The following CDH12 variants were observed in gnomAD, a reference collection of about 807,000 sequenced individuals.
CDH12 encodes cadherin-12.
A neutral mutation model predicts 74.1 loss-of-function variants in CDH12; 41 were observed. That is an observed-to-expected ratio of 0.55 (90% CI 0.43 to 0.72). The LOEUF (loss-of-function observed/expected upper bound fraction) is 0.72, where lower values mean the gene tolerates loss of function less well. Among genes scored for constraint, CDH12 ranks in the 30% least tolerant of loss-of-function variants. The pLI is 0.00. For synonymous variants in CDH12, 399 were observed against 355.0 expected (o/e 1.12, Z -1.39); for missense variants, 945 against 977.2 (o/e 0.97, Z 0.44).
At chr5:22,079,067 A>G (rs1235276921) in intron 4 of CDH12, among the ~76,000 whole-genome samples, 1 of 152,228 alleles carries the variant, frequency 6.6e-6, no homozygotes, top group Non-Finnish European at 1.5e-5. Context: ...AATATTAGTT[A>G]CAATGAAGCA....
intron 13 of CDH12, among the ~76,000 whole-genome samples, chr5:21,759,205 T>C (rs915409913): frequency 1.3e-5 from 2 of 152,130 alleles, no homozygotes; most frequent in Non-Finnish European, 2.9e-5. Flanking sequence ...ATTTAAAGTA[T>C]AATGTTTCTA....
intron 6 of CDH12, among the ~76,000 whole-genome samples, chr5:21,961,096 T>C: frequency 6.6e-6 from 1 of 152,080 alleles, no homozygotes; most frequent in Non-Finnish European, 1.5e-5. Flanking sequence ...TCCTTACTAA[T>C]TTTTATTTGT....
intron 2 of CDH12, among the ~76,000 whole-genome samples, chr5:22,443,051 T>C (rs567096104): frequency 1.3e-5 from 2 of 152,274 alleles, no homozygotes; most frequent in South Asian, 4.1e-4. Context: ...AATATTCATC[T>C]GGATTCCTGC....
chr5:21,809,362 G>A (rs1482187988), intron 9 of CDH12, among the ~76,000 whole-genome samples: 1 of 152,038 alleles, frequency 6.6e-6, no homozygotes, highest in African/African-American at 2.4e-5. Flanking sequence ...AAATTACAGA[G>A]GGTTTCGTCA....
intron 9 of CDH12, among the ~76,000 whole-genome samples, chr5:21,812,512 T>C (rs987440594): frequency 1.6e-4 from 25 of 152,136 alleles, no homozygotes; most frequent in African/African-American, 7.2e-5. Flanking sequence ...TGAGAACTTA[T>C]TGAATATATG....
chr5:21,931,574 A>G (rs1188856266), intron 6 of CDH12, among the ~76,000 whole-genome samples: 2 of 152,200 alleles, frequency 1.3e-5, no homozygotes, highest in African/African-American at 2.4e-5. Flanking sequence ...CTGCCCAAGA[A>G]TAACTGACTT....
At chr5:22,475,133 T>C (rs1427562684) in intron 2 of CDH12, among the ~76,000 whole-genome samples, 1 of 151,184 alleles carries the variant, frequency 6.6e-6, no homozygotes, top group Non-Finnish European at 1.5e-5. Flanking sequence ...GGGAACATTC[T>C]GAGCAGGGAA....
intron 3 of CDH12, among the ~76,000 whole-genome samples, chr5:22,218,647 T>C (rs1279180349): frequency 4.0e-5 from 6 of 151,858 alleles, no homozygotes; most frequent in Middle Eastern, 3.4e-3. Flanking sequence ...GTCTTGATTA[T>C]GATGGTGGCT....
At chr5:22,821,996 A>G (rs917014351) in intron 1 of CDH12, among the ~76,000 whole-genome samples, 2 of 152,220 alleles carry the variant, frequency 1.3e-5, no homozygotes, top group Non-Finnish European at 2.9e-5. Context: ...ACAAGGCTAC[A>G]GTAACCAAAA....
intron 3 of CDH12, among the ~76,000 whole-genome samples, chr5:22,223,349 G>T (rs1194207948): frequency 6.6e-6 from 1 of 151,932 alleles, no homozygotes; most frequent in African/African-American, 2.4e-5. Context: ...TGCGCATATA[G>T]AAGACATCAA....
intron 7 of CDH12, among the ~76,000 whole-genome samples, chr5:21,843,262 T>C (rs1019694282): frequency 6.6e-6 from 1 of 152,166 alleles, no homozygotes; most frequent in Non-Finnish European, 1.5e-5. Flanking sequence ...AACATGCTAC[T>C]TTCTTTAAGT....
chr5:22,474,485 T>C (rs770616118), intron 2 of CDH12, among the ~76,000 whole-genome samples: 5 of 152,114 alleles, frequency 3.3e-5, no homozygotes, highest in Non-Finnish European at 5.9e-5. Flanking sequence ...TAGACAGCAA[T>C]AGAAACTACT....
chr5:21,864,577 T>C (rs1751228572), intron 6 of CDH12, among the ~76,000 whole-genome samples: 1 of 152,114 alleles, frequency 6.6e-6, no homozygotes, highest in African/African-American at 2.4e-5. Flanking sequence ...ATGATAAACT[T>C]CCCAGTCTTA....
intron 10 of CDH12, 69 bp from the exon 11 acceptor site, chr5:21,783,563 CTT>C: frequency 8.5e-7 from 1 of 1,172,258 alleles, no homozygotes; most frequent in Non-Finnish European, 1.2e-6. Context: ...CTTAGGCTAA[CTT>C]GACACAGTTC....
intron 12 of CDH12, among the ~76,000 whole-genome samples, chr5:21,761,817 G>A (rs1744744160): frequency 6.6e-6 from 1 of 152,034 alleles, no homozygotes. Flanking sequence ...GATATCCAGT[G>A]CAGCATTAGT....
At chr5:22,077,686 G>C (rs1453754504) in intron 5 of CDH12, among the ~76,000 whole-genome samples, 1 of 151,822 alleles carries the variant, frequency 6.6e-6, no homozygotes, top group Non-Finnish European at 1.5e-5. Context: ...CTAGACATGG[G>C]TGAAAACAAT....
rs367931435 is a variant in CDH12 at position 22,163,801 on chromosome 5, G to A, written c.-187+48697C>T. ...TAAATGCATAATACAGGTGAAGCAG[G>A]AAGAATTCCATGACAACCAGTATGA... On this transcript the variant is annotated intron_variant, in intron 4 of 14. Coordinates refer to ENST00000382254, the MANE Select transcript of CDH12 (RefSeq NM_004061.5). Among the ~76,000 whole-genome samples, 428 of 152,232 alleles carry A rather than the reference G, an allele frequency of 2.8e-3. 2 individuals carry two copies. Among genetic ancestry groups the A allele is most frequent in the African/African-American group, 9.4e-3 (392 of 41,532 alleles).
chr5:22,539,132 G>A (rs1737987299), intron 1 of CDH12, among the ~76,000 whole-genome samples: 1 of 152,224 alleles, frequency 6.6e-6, no homozygotes, highest in Non-Finnish European at 1.5e-5. Flanking sequence ...TATTTGAAAT[G>A]TCAGGGAGTT....
intron 1 of CDH12, among the ~76,000 whole-genome samples, chr5:22,622,209 T>G (rs758300094): frequency 1.3e-5 from 2 of 152,130 alleles, no homozygotes; most frequent in African/African-American, 2.4e-5. Flanking sequence ...TAAGCTGTTA[T>G]AAATAAGCTA....
Sources: allele counts gnomAD v4.1 joint callset (sites outside exome capture counted in the v4.1 genomes callset), GRCh38; gene constraint gnomAD v4.1.1; transcripts MANE v1.5; gene names NCBI Gene and HGNC (gene_info 2026-07-23, HGNC 2026-07-21).